ZNG1A: variants seen among roughly 807,000 people sequenced by gnomAD.
The protein encoded by ZNG1A is zinc-regulated GTPase metalloprotein activator 1A.
chr9:176,787 G>C, the ZNG1A span, among the ~76,000 whole-genome samples: 1 of 151,446 alleles, frequency 6.6e-6, no homozygotes, highest in African/African-American at 2.4e-5. Context: ...AGGAAAGGGT[G>C]AATGTAAGAA....
the ZNG1A span, chr9:148,706 C>G: frequency 6.8e-6 from 1 of 146,528 alleles, no homozygotes; most frequent in African/African-American, 2.6e-5. Context: ...CTTGAACTCT[C>G]TATTCCAGAA....
the ZNG1A span, among the ~76,000 whole-genome samples, chr9:168,820 T>C: frequency 1.3e-5 from 2 of 150,352 alleles, no homozygotes; most frequent in African/African-American, 5.0e-5. Flanking sequence ...GCACATCTGT[T>C]TACAGCACGG....
At chr9:129,814 TAA>T in the ZNG1A span, among the ~76,000 whole-genome samples, 2 of 111,834 alleles carry the variant, frequency 1.8e-5, no homozygotes, top group African/African-American at 5.4e-5. Flanking sequence ...GGTCTCATGT[TAA>T]GTGTTTTTTA....
the ZNG1A span, among the ~76,000 whole-genome samples, chr9:141,248 C>G: frequency 7.9e-6 from 1 of 125,990 alleles, no homozygotes; most frequent in Non-Finnish European, 1.6e-5. Context: ...GTCAGATTCA[C>G]CAAAGTTGAA....
chr9:129,999 T>C, the ZNG1A span, among the ~76,000 whole-genome samples: 2 of 150,674 alleles, frequency 1.3e-5, no homozygotes, highest in Admixed American at 6.6e-5. Flanking sequence ...CTGTACAGCA[T>C]ATATGTTACT....
the ZNG1A span, among the ~76,000 whole-genome samples, chr9:124,061 G>C: frequency 1.3e-5 from 2 of 152,190 alleles, no homozygotes; most frequent in Admixed American, 6.5e-5. Flanking sequence ...TTAGCGATGA[G>C]AATGATAGGA....
At chr9:159,379 G>C in the ZNG1A span, among the ~76,000 whole-genome samples, 1 of 150,714 alleles carries the variant, frequency 6.6e-6, no homozygotes, top group African/African-American at 2.5e-5. Context: ...CATGATGACT[G>C]TAGTTAATTC....
chr9:139,355 G>C, the ZNG1A span, among the ~76,000 whole-genome samples: 1 of 148,886 alleles, frequency 6.7e-6, no homozygotes, highest in Non-Finnish European at 1.5e-5. Context: ...GATGCCAGGG[G>C]CTATGAAGAC....
At chr9:155,698 AAG>A in the ZNG1A span, among the ~76,000 whole-genome samples, 1 of 152,146 alleles carries the variant, frequency 6.6e-6, no homozygotes, top group East Asian at 1.9e-4. Context: ...AGTTCACTGA[AAG>A]AGCAGGTTTC....
chr9:158,068 T>G, the ZNG1A span, among the ~76,000 whole-genome samples: 1 of 137,852 alleles, frequency 7.3e-6, no homozygotes, highest in Non-Finnish European at 1.6e-5. Context: ...TGTATCAAAA[T>G]TCATTCCATG....
At chr9:166,762 A>G in the ZNG1A span, 2 of 152,196 alleles carry the variant, frequency 1.3e-5, no homozygotes, top group South Asian at 2.1e-4. Flanking sequence ...AAAATATCAA[A>G]AACAGGACAG....
chr9:127,029 G>A, the ZNG1A span, among the ~76,000 whole-genome samples: 1 of 152,056 alleles, frequency 6.6e-6, no homozygotes, highest in Non-Finnish European at 1.5e-5. Context: ...TTATTCCACT[G>A]TGGTCTGACA....
At chr9:140,301 C>G in the ZNG1A span, among the ~76,000 whole-genome samples, 1 of 151,574 alleles carries the variant, frequency 6.6e-6, no homozygotes. Flanking sequence ...TCTCCCAGCA[C>G]GCAGCTGGAG....
chr9:177,584 G>A, the ZNG1A span: 4 of 1,492,498 alleles, frequency 2.7e-6, no homozygotes, highest in Non-Finnish European at 3.6e-6. Context: ...TGTAGTAGAA[G>A]CCAAAAGAAC....
At chr9:151,064 A>G in the ZNG1A span, 11 of 985,394 alleles carry the variant, frequency 1.1e-5, no homozygotes, top group East Asian at 1.2e-3. Flanking sequence ...TGAGATTATC[A>G]GAGACTTTCT....
the ZNG1A span, among the ~76,000 whole-genome samples, chr9:155,586 A>C: frequency 6.6e-6 from 1 of 152,196 alleles, no homozygotes; most frequent in Non-Finnish European, 1.5e-5. Context: ...TTCTATTAGC[A>C]GGATAGTAAA....
the ZNG1A span, among the ~76,000 whole-genome samples, chr9:132,390 G>C: frequency 9.4e-6 from 1 of 106,666 alleles, no homozygotes; most frequent in Non-Finnish European, 1.9e-5. Context: ...AGCTAGGCAT[G>C]GTGGTACATG....
chr9:161,299 T>C, the ZNG1A span, among the ~76,000 whole-genome samples: 2 of 151,564 alleles, frequency 1.3e-5, no homozygotes, highest in African/African-American at 2.4e-5. Context: ...TAAAATCCTG[T>C]CTCTACTAAA....
the ZNG1A span, among the ~76,000 whole-genome samples, chr9:178,047 C>CT: frequency 6.7e-6 from 1 of 149,956 alleles, no homozygotes; most frequent in African/African-American, 2.5e-5. Flanking sequence ...TTTTTCCAAA[C>CT]TTCTAATACA....
Sources: allele counts gnomAD v4.1 joint callset (sites outside exome capture counted in the v4.1 genomes callset), GRCh38; gene constraint gnomAD v4.1.1; transcripts MANE v1.5; gene names NCBI Gene and HGNC (gene_info 2026-07-23, HGNC 2026-07-21).